Variants in SDC2 observed in about 807,000 individuals in gnomAD.
The protein encoded by SDC2 is syndecan-2.
SDC2 carries 13 observed loss-of-function variants against 22.2 expected under a neutral mutation model. That is an observed-to-expected ratio of 0.59 (90% CI 0.38 to 0.93). The LOEUF (loss-of-function observed/expected upper bound fraction) is 0.93, where lower values mean the gene tolerates loss of function less well. Among genes scored for constraint, SDC2 ranks in the 40% least tolerant of loss-of-function variants. The pLI, the probability that SDC2 is intolerant of heterozygous loss-of-function variation, is 0.00. For synonymous variants in SDC2, 94 were observed against 92.8 expected, an observed-to-expected ratio of 1.01 and a Z score of -0.07; for missense variants, 235 against 246.8, an observed-to-expected ratio of 0.95 and a Z score of 0.32.
intron 1 of SDC2, among the ~76,000 whole-genome samples, chr8:96,540,509 C>CAAAA (rs537444852): frequency 7.5e-6 from 1 of 133,414 alleles, no homozygotes; most frequent in Non-Finnish European, 1.6e-5. Context: ...ACCCCGCCTC[C>CAAAA]AAAAAAAAAA....
At chr8:96,581,647 G>A (rs1170369315) in intron 1 of SDC2, among the ~76,000 whole-genome samples, 3 of 144,016 alleles carry the variant, frequency 2.1e-5, no homozygotes, top group South Asian at 4.4e-4. Context: ...AAAAAAAAAA[G>A]GTAAAAGAGT....
chr8:96,594,016 A>G (rs1374709611), intron 2 of SDC2, among the ~76,000 whole-genome samples: 1 of 152,162 alleles, frequency 6.6e-6, no homozygotes, highest in Middle Eastern at 3.2e-3. Flanking sequence ...CACCTACCCT[A>G]TGTTAAAAAT....
chr8:96,513,534 G>A (rs1316466176), intron 1 of SDC2, among the ~76,000 whole-genome samples: 1 of 152,184 alleles, frequency 6.6e-6, no homozygotes, highest in Non-Finnish European at 1.5e-5. Flanking sequence ...TCATTCAATA[G>A]AACCTTTTAG....
intron 1 of SDC2, among the ~76,000 whole-genome samples, chr8:96,504,754 T>TAC: frequency 6.6e-6 from 1 of 152,370 alleles, no homozygotes; most frequent in East Asian, 1.9e-4. Context: ...CTATGGGACA[T>TAC]ATATTTTCAC....
At chr8:96,554,050 C>T (rs565573928) in intron 1 of SDC2, among the ~76,000 whole-genome samples, 1 of 152,232 alleles carries the variant, frequency 6.6e-6, no homozygotes, top group African/African-American at 2.4e-5. Context: ...TTCAGCCTCC[C>T]AAAGTGTTGG....
At chr8:96,574,550 A>G (rs1275849000) in intron 1 of SDC2, among the ~76,000 whole-genome samples, 2 of 152,200 alleles carry the variant, frequency 1.3e-5, no homozygotes, top group Non-Finnish European at 2.9e-5. Flanking sequence ...AAGATCAGTT[A>G]TCTGTGGTTA....
At chr8:96,579,896 T>A (rs1354246340) in intron 1 of SDC2, among the ~76,000 whole-genome samples, 1 of 152,202 alleles carries the variant, frequency 6.6e-6, no homozygotes, top group Non-Finnish European at 1.5e-5. Flanking sequence ...TCTAGAAAAA[T>A]TGATTATAGT....
At chr8:96,514,866 G>A (rs1391247645) in intron 1 of SDC2, among the ~76,000 whole-genome samples, 2 of 152,176 alleles carry the variant, frequency 1.3e-5, no homozygotes, top group African/African-American at 4.8e-5. Context: ...CTGCTGTGGG[G>A]CTGGGTTCCT....
In SDC2 at chr8:96,529,375, C is replaced by T. The variant is rs191828482; in HGVS notation, c.60+35044C>T. 15 of 151,998 alleles carry T rather than the reference C, an allele frequency of 9.9e-5. No homozygotes were observed. The East Asian group carries it at 1.2e-3, about 12-fold the overall frequency. The allele number at this position is 151,998 out of a possible 1,614,324, so 9.4% of individuals were successfully genotyped here. A position where few individuals can be genotyped will look rare whatever the true frequency, so the allele number is the denominator to read the frequency against. ...TTTTATTTGCTTATTTATAATATTC[C>T]GCCTCATTCAAATTTACTGTTAAGA... On this transcript the variant is annotated intron_variant, in intron 1 of 4. Coordinates refer to ENST00000302190, the MANE Select transcript of SDC2 (RefSeq NM_002998.4).
At chr8:96,539,570 A>T (rs1371322906) in intron 1 of SDC2, among the ~76,000 whole-genome samples, 1 of 152,268 alleles carries the variant, frequency 6.6e-6, no homozygotes, top group South Asian at 2.1e-4. Context: ...AGTATAGTAC[A>T]TATTTGCTTG....
At chr8:96,517,346 CTTATCAGT>C (rs1264280556) in intron 1 of SDC2, among the ~76,000 whole-genome samples, 9 of 152,128 alleles carry the variant, frequency 5.9e-5, no homozygotes, top group African/African-American at 9.7e-5. Context: ...TGAAGTCAAA[CTTATCAGT>C]TTTTTTCTTT....
At chr8:96,606,131 G>A (rs1392633146) in intron 3 of SDC2, among the ~76,000 whole-genome samples, 2 of 152,144 alleles carry the variant, frequency 1.3e-5, no homozygotes, top group Non-Finnish European at 2.9e-5. Context: ...ATTGTCTGCA[G>A]TATTTTTTTT....
chr8:96,537,669 A>AT (rs1463650028), intron 1 of SDC2, among the ~76,000 whole-genome samples: 1 of 152,016 alleles, frequency 6.6e-6, no homozygotes, highest in Admixed American at 6.5e-5. Flanking sequence ...TATTTTGGTT[A>AT]TTTTTTACTG....
At chr8:96,530,777 A>T (rs528794190) in intron 1 of SDC2, among the ~76,000 whole-genome samples, 4 of 152,382 alleles carry the variant, frequency 2.6e-5, no homozygotes, top group African/African-American at 9.6e-5. Context: ...TATATTGTTT[A>T]TAAAGCACTG....
intron 1 of SDC2, among the ~76,000 whole-genome samples, chr8:96,545,383 A>G (rs1323640582): frequency 6.6e-6 from 1 of 152,130 alleles, no homozygotes; most frequent in African/African-American, 2.4e-5. Flanking sequence ...TCCCCCAACA[A>G]GGTAATTCTG....
intron 2 of SDC2, among the ~76,000 whole-genome samples, 185 bp downstream of exon 2, chr8:96,593,776 T>G (rs892040780): frequency 6.6e-6 from 1 of 152,204 alleles, no homozygotes; most frequent in African/African-American, 2.4e-5. Context: ...TCTTGAGAAT[T>G]TATTTGCTGA....
chr8:96,516,119 G>T (rs1393233659), intron 1 of SDC2, among the ~76,000 whole-genome samples: 1 of 152,182 alleles, frequency 6.6e-6, no homozygotes, highest in East Asian at 1.9e-4. Context: ...GCATTTGAAT[G>T]TAGCTGAAAC....
In SDC2 at chr8:96,551,002, C is replaced by T. The variant is rs570519185; in HGVS notation, c.61-42478C>T. 3.3e-5 allele frequency among the ~76,000 whole-genome samples: 5 copies of T among 152,212 alleles called. No homozygotes were observed. In the South Asian group the frequency reaches 1.0e-3, roughly 32 times the overall value. ...TCCACAGCTCACAAGTTACTATTGGCGAGGGCTTGGAACTTGCCTCCTGCC... is the reference window on the plus strand; with the variant it reads ...TCCACAGCTCACAAGTTACTATTGGTGAGGGCTTGGAACTTGCCTCCTGCC... On this transcript the variant is annotated intron_variant, in intron 1 of 4. Transcript: ENST00000302190.
At chr8:96,513,615 T>C (rs1419404346) in intron 1 of SDC2, among the ~76,000 whole-genome samples, 1 of 152,194 alleles carries the variant, frequency 6.6e-6, no homozygotes, top group African/African-American at 2.4e-5. Flanking sequence ...TATTGGAAAT[T>C]TTAAAAACGA....
Sources: allele counts gnomAD v4.1 joint callset (sites outside exome capture counted in the v4.1 genomes callset), GRCh38; gene constraint gnomAD v4.1.1; transcripts MANE v1.5; gene names NCBI Gene and HGNC (gene_info 2026-07-23, HGNC 2026-07-21).